LIPI: variants seen among roughly 807,000 people sequenced by gnomAD.
LIPI encodes the protein lipase member I.
A neutral mutation model predicts 50.6 loss-of-function variants in LIPI; 59 were observed. The observed-to-expected ratio is 1.16, with a 90% CI of 0.94 to 1.45. LIPI has a LOEUF of 1.45. Among genes scored for constraint, LIPI ranks in the 40% most tolerant of loss-of-function variants. The pLI, the probability that LIPI is intolerant of heterozygous loss-of-function variation, is 0.00. For synonymous variants in LIPI, 203 were observed against 178.2 expected, an observed-to-expected ratio of 1.14 and a Z score of -1.11; for missense variants, 586 against 536.3, an observed-to-expected ratio of 1.09 and a Z score of -0.92.
intron 2 of LIPI, among the ~76,000 whole-genome samples, chr21:14,187,824 A>T (rs1206384425): frequency 6.6e-6 from 1 of 152,198 alleles, no homozygotes; most frequent in Non-Finnish European, 1.5e-5. Flanking sequence ...ATTCATATAA[A>T]TATTTTTGTA....
chr21:14,201,064 A>T (rs762699421), intron 1 of LIPI, among the ~76,000 whole-genome samples: 11 of 152,160 alleles, frequency 7.2e-5, no homozygotes, highest in Non-Finnish European at 1.6e-4. Context: ...CATATGAAGA[A>T]GATTGAAACT....
intron 4 of LIPI, among the ~76,000 whole-genome samples, chr21:14,171,664 T>C (rs2018912887): frequency 6.6e-6 from 1 of 151,852 alleles, no homozygotes; most frequent in South Asian, 2.1e-4. Flanking sequence ...GCTAGCCATA[T>C]GTAGAAAGCT....
intron 9 of LIPI, among the ~76,000 whole-genome samples, chr21:14,142,161 CGGGGGTT>C (rs968833010): frequency 6.6e-6 from 1 of 151,714 alleles, no homozygotes; most frequent in African/African-American, 2.4e-5. Context: ...AAATAACAGT[CGGGGGTT>C]GGGGGACTAG....
chr21:14,143,128 A>T (rs1437386122), intron 9 of LIPI, among the ~76,000 whole-genome samples: 1 of 152,132 alleles, frequency 6.6e-6, no homozygotes, highest in Admixed American at 6.6e-5. Context: ...AAAGTATTAG[A>T]TGTTTTGGAA....
At chr21:14,119,952 T>C (rs2016800862) in intron 9 of LIPI, among the ~76,000 whole-genome samples, 1 of 152,152 alleles carries the variant, frequency 6.6e-6, no homozygotes, top group Non-Finnish European at 1.5e-5. Flanking sequence ...GAGGACATCA[T>C]TGGCTCTCTA....
chr21:14,180,536 G>T (rs2019236698), intron 4 of LIPI, among the ~76,000 whole-genome samples: 1 of 152,022 alleles, frequency 6.6e-6, no homozygotes, highest in South Asian at 2.1e-4. Flanking sequence ...TATCGGGGGT[G>T]GGTTCCCCCA....
At chr21:14,118,057 G>C (rs2016722192) in intron 9 of LIPI, among the ~76,000 whole-genome samples, 1 of 151,740 alleles carries the variant, frequency 6.6e-6, no homozygotes, top group African/African-American at 2.4e-5. Flanking sequence ...AAGCAAAGAG[G>C]GCATTGGAAA....
intron 3 of LIPI, among the ~76,000 whole-genome samples, chr21:14,184,327 G>C (rs567731178): frequency 2.9e-4 from 44 of 152,200 alleles, no homozygotes; most frequent in East Asian, 9.7e-4. Flanking sequence ...GGACTGTTGT[G>C]GGGTGGGGGA....
chr21:14,149,497 G>A (rs892583766), intron 8 of LIPI, among the ~76,000 whole-genome samples: 1 of 152,002 alleles, frequency 6.6e-6, no homozygotes, highest in Non-Finnish European at 1.5e-5. Context: ...CCTTCCAACA[G>A]TCCCCCAAAG....
At chr21:14,182,600 A>ACTCC (rs1194701196) in intron 3 of LIPI, among the ~76,000 whole-genome samples, 1 of 152,158 alleles carries the variant, frequency 6.6e-6, no homozygotes, top group African/African-American at 2.4e-5. Context: ...TCATGAGTGA[A>ACTCC]CTCCCATTCA....
intron 9 of LIPI, among the ~76,000 whole-genome samples, chr21:14,141,084 T>C (rs1477877120): frequency 6.6e-6 from 1 of 152,164 alleles, no homozygotes; most frequent in African/African-American, 2.4e-5. Flanking sequence ...TAAATGTTTG[T>C]TCTTTTCGTT....
Position 14,144,814 on chromosome 21 carries a change from T to C in LIPI, c.1119-15A>G, listed in dbSNP as rs767953955. The C allele has an allele frequency of 1.3e-5, 20 of 1,505,334 alleles. No homozygotes were observed. The highest frequency in any genetic ancestry group is 1.8e-5 in the Non-Finnish European group (20 of 1,083,782). The allele number at this position is 1,505,334 out of a possible 1,614,324, so 93.2% of individuals were successfully genotyped here. A position where few individuals can be genotyped will look rare whatever the true frequency, so the allele number is the denominator to read the frequency against. On this transcript the variant is annotated splice_polypyrimidine_tract_variant and intron_variant, in intron 8 of 9. Coordinates refer to ENST00000681601, the MANE Select transcript of LIPI (RefSeq NM_001302998.2). ...GTTTGTTCTTTCTAGAGAGAAAATT[T>C]GATACACGCAGCATATTAATAATTT... is the stretch of plus-strand genomic sequence containing the variant.
intron 9 of LIPI, among the ~76,000 whole-genome samples, chr21:14,119,577 G>A (rs1290527628): frequency 5.9e-5 from 9 of 152,278 alleles, no homozygotes; most frequent in African/African-American, 2.2e-4. Context: ...TATATGAGGC[G>A]ATGAAAGGGC....
At chr21:14,138,210 A>C (rs2017576881) in intron 9 of LIPI, among the ~76,000 whole-genome samples, 1 of 152,126 alleles carries the variant, frequency 6.6e-6, no homozygotes, top group South Asian at 2.1e-4. Context: ...ATAAAAAATA[A>C]AAATAAAGAT....
At chr21:14,202,629 T>C (rs1207299619) in intron 1 of LIPI, among the ~76,000 whole-genome samples, 3 of 152,144 alleles carry the variant, frequency 2.0e-5, no homozygotes, top group East Asian at 1.9e-4. Flanking sequence ...TGGCTAGCCA[T>C]ATGTAGAAAG....
chr21:14,136,384 T>A (rs77521194), intron 9 of LIPI, among the ~76,000 whole-genome samples: 4,140 of 152,170 alleles, frequency 0.027, 183 homozygotes, highest in African/African-American at 0.091. Context: ...CCACCAGCTG[T>A]CTTAAGAGAA....
intron 9 of LIPI, among the ~76,000 whole-genome samples, chr21:14,119,253 A>T (rs983302392): frequency 2.6e-5 from 4 of 152,200 alleles, no homozygotes; most frequent in African/African-American, 9.6e-5. Flanking sequence ...CATGTATCTT[A>T]CTGCCATACA....
intron 9 of LIPI, among the ~76,000 whole-genome samples, chr21:14,129,484 T>G (rs1432559594): frequency 6.6e-6 from 1 of 152,016 alleles, no homozygotes; most frequent in Non-Finnish European, 1.5e-5. Flanking sequence ...GATTTCAAAC[T>G]AAAAAATTCT....
At chr21:14,169,738 C>A (rs1568864509) in intron 4 of LIPI, among the ~76,000 whole-genome samples, 1 of 152,114 alleles carries the variant, frequency 6.6e-6, no homozygotes, top group South Asian at 2.1e-4. Flanking sequence ...ATTTGTAGCA[C>A]TAAATGCCCA....
Sources: allele counts gnomAD v4.1 joint callset (sites outside exome capture counted in the v4.1 genomes callset), GRCh38; gene constraint gnomAD v4.1.1; transcripts MANE v1.5; gene names NCBI Gene and HGNC (gene_info 2026-07-23, HGNC 2026-07-21).